The following OPCML variants were observed in gnomAD, a reference collection of about 807,000 sequenced individuals.
OPCML encodes opioid binding protein/cell adhesion molecule like.
OPCML carries 13 observed loss-of-function variants against 37.8 expected under a neutral mutation model. The observed-to-expected ratio is 0.34, with a 90% CI of 0.22 to 0.55. OPCML has a LOEUF of 0.55. Among genes scored for constraint, OPCML ranks in the 20% least tolerant of loss-of-function variants. OPCML has a pLI of 0.91. For missense variants in OPCML, 341 were observed against 435.6 expected, an observed-to-expected ratio of 0.78 and a Z score of 1.93; for synonymous variants, 176 against 168.8, an observed-to-expected ratio of 1.04 and a Z score of -0.33.
At chr11:133,091,896 T>A (rs1415741689) in intron 1 of OPCML, among the ~76,000 whole-genome samples, 1 of 152,170 alleles carries the variant, frequency 6.6e-6, no homozygotes, top group East Asian at 1.9e-4. Context: ...ATGGAATGAA[T>A]ATATTTTTCA....
intron 2 of OPCML, among the ~76,000 whole-genome samples, chr11:132,750,682 C>T (rs756526468): frequency 2.0e-4 from 31 of 151,894 alleles, no homozygotes; most frequent in African/African-American, 3.4e-4. Context: ...AATCCACGTA[C>T]GATATTTTAA....
At chr11:132,515,638 A>G (rs1050665934) in intron 4 of OPCML, among the ~76,000 whole-genome samples, 22 of 152,210 alleles carry the variant, frequency 1.4e-4, no homozygotes, top group Admixed American at 1.2e-3. Flanking sequence ...AGCCCACTCT[A>G]GTTAAAATCC....
intron 3 of OPCML, among the ~76,000 whole-genome samples, chr11:132,654,841 C>G (rs993183702): frequency 6.6e-6 from 1 of 151,984 alleles, no homozygotes; most frequent in East Asian, 1.9e-4. Context: ...CCCCTCCCAC[C>G]CCCACCCATC....
chr11:133,525,041 CA>C (rs1948463307), intron 1 of OPCML, among the ~76,000 whole-genome samples: 2 of 152,156 alleles, frequency 1.3e-5, no homozygotes. Flanking sequence ...TATTGGAGAA[CA>C]AAACAGGTGT....
intron 1 of OPCML, among the ~76,000 whole-genome samples, chr11:133,264,493 G>A (rs1412106749): frequency 6.6e-6 from 1 of 152,192 alleles, no homozygotes; most frequent in African/African-American, 2.4e-5. Flanking sequence ...GCACAGACAT[G>A]TGAACTCCTG....
chr11:133,310,769 T>TAG (rs1565564398), intron 1 of OPCML, among the ~76,000 whole-genome samples: 2 of 152,178 alleles, frequency 1.3e-5, no homozygotes, highest in Admixed American at 1.3e-4. Context: ...CTGGCTCAAA[T>TAG]AGAAAACAGC....
At chr11:132,944,137 G>C (rs1165813790) in intron 1 of OPCML, among the ~76,000 whole-genome samples, 1 of 151,546 alleles carries the variant, frequency 6.6e-6, no homozygotes, top group African/African-American at 2.4e-5. Flanking sequence ...CGACACCCGC[G>C]CCAGCGGAGA....
intron 1 of OPCML, among the ~76,000 whole-genome samples, chr11:133,019,114 GT>G (rs1332528923): frequency 1.3e-5 from 2 of 152,196 alleles, no homozygotes; most frequent in Non-Finnish European, 2.9e-5. Flanking sequence ...TCTTGCTTTT[GT>G]TTCCTGGACA....
chr11:132,933,117 C>T (rs1420154843), intron 2 of OPCML, among the ~76,000 whole-genome samples: 1 of 152,138 alleles, frequency 6.6e-6, no homozygotes, highest in African/African-American at 2.4e-5. Flanking sequence ...CAGCGGGAGG[C>T]ATGTTGCTGA....
chr11:132,546,392 T>C (rs1441785614), intron 3 of OPCML, among the ~76,000 whole-genome samples: 1 of 152,190 alleles, frequency 6.6e-6, no homozygotes, highest in African/African-American at 2.4e-5. Flanking sequence ...CCAAGTAGTA[T>C]ACACTGCACC....
At chr11:133,167,815 A>G (rs1157723587) in intron 1 of OPCML, among the ~76,000 whole-genome samples, 1 of 151,976 alleles carries the variant, frequency 6.6e-6, no homozygotes, top group African/African-American at 2.4e-5. Flanking sequence ...AGTTCTCTCT[A>G]TCTCAATCTA....
chr11:132,805,726 T>G (rs945975737), intron 2 of OPCML, among the ~76,000 whole-genome samples: 1 of 152,204 alleles, frequency 6.6e-6, no homozygotes, highest in African/African-American at 2.4e-5. Flanking sequence ...AATGAAGGCT[T>G]AGAAAATTTG....
chr11:132,774,641 C>A (rs1460021394), intron 2 of OPCML, among the ~76,000 whole-genome samples: 2 of 152,156 alleles, frequency 1.3e-5, no homozygotes, highest in East Asian at 1.9e-4. Flanking sequence ...AGGTTTATTT[C>A]CAGAAATTAG....
intron 1 of OPCML, among the ~76,000 whole-genome samples, chr11:133,362,811 G>C (rs536280648): frequency 6.6e-6 from 1 of 152,016 alleles, no homozygotes; most frequent in Non-Finnish European, 1.5e-5. Context: ...ACTGTCCCAC[G>C]TCCTAATCCC....
intron 1 of OPCML, among the ~76,000 whole-genome samples, chr11:133,039,855 C>T (rs900142549): frequency 6.6e-5 from 10 of 151,976 alleles, no homozygotes; most frequent in Non-Finnish European, 1.5e-4. Flanking sequence ...TACTGAAACC[C>T]CATCTCTACT....
chr11:133,503,375 GGT>G (rs1947958015), intron 1 of OPCML, among the ~76,000 whole-genome samples: 1 of 152,110 alleles, frequency 6.6e-6, no homozygotes, highest in African/African-American at 2.4e-5. Context: ...AAACTCAGCT[GGT>G]CAACAACCCC....
At chr11:132,810,129 G>A (rs1319120212) in intron 2 of OPCML, among the ~76,000 whole-genome samples, 4 of 152,062 alleles carry the variant, frequency 2.6e-5, no homozygotes, top group Non-Finnish European at 5.9e-5. Context: ...GATTAGAGGC[G>A]TGAGCCACCA....
At chr11:133,462,258 C>A (rs1946877008) in intron 1 of OPCML, among the ~76,000 whole-genome samples, 1 of 151,888 alleles carries the variant, frequency 6.6e-6, no homozygotes, top group African/African-American at 2.4e-5. Context: ...AACATGAAGA[C>A]AAATTTTCAT....
chr11:133,217,661 G>A (rs1166032735), intron 1 of OPCML, among the ~76,000 whole-genome samples: 1 of 152,166 alleles, frequency 6.6e-6, no homozygotes, highest in Non-Finnish European at 1.5e-5. Flanking sequence ...TGAGCAAGAT[G>A]GGGGACAAAC....
Sources: allele counts gnomAD v4.1 joint callset (sites outside exome capture counted in the v4.1 genomes callset), GRCh38; gene constraint gnomAD v4.1.1; transcripts MANE v1.5; gene names NCBI Gene and HGNC (gene_info 2026-07-23, HGNC 2026-07-21).